Variants in FRMPD2 observed in about 807,000 individuals in gnomAD.
FRMPD2 encodes FERM and PDZ domain-containing protein 2.
Under a neutral mutation model 140.1 loss-of-function variants are expected in FRMPD2, and 96 were observed. That is an observed-to-expected ratio of 0.69 (90% CI 0.58 to 0.81). The LOEUF (loss-of-function observed/expected upper bound fraction) is 0.81, where lower values mean the gene tolerates loss of function less well. Among genes scored for constraint, FRMPD2 ranks in the 40% least tolerant of loss-of-function variants. FRMPD2 has a pLI of 0.00. For missense variants in FRMPD2, 1,240 were observed against 1,447.4 expected, an observed-to-expected ratio of 0.86 and a Z score of 2.32; for synonymous variants, 449 against 547.6, an observed-to-expected ratio of 0.82 and a Z score of 2.52.
At chr10:48,211,243 A>G (rs1564426585) in intron 13 of FRMPD2, among the ~76,000 whole-genome samples, 1 of 152,254 alleles carries the variant, frequency 6.6e-6, no homozygotes, top group Non-Finnish European at 1.5e-5. Context: ...GTGTGTGCCC[A>G]CACGGGGAGA....
At chr10:48,263,721 A>C (rs1840635392) in intron 1 of FRMPD2, among the ~76,000 whole-genome samples, 2 of 152,176 alleles carry the variant, frequency 1.3e-5, no homozygotes. Context: ...CAAACATTTA[A>C]GGAAAAGATG....
chr10:48,228,588 T>C (rs925888278), intron 10 of FRMPD2, among the ~76,000 whole-genome samples: 1 of 151,996 alleles, frequency 6.6e-6, no homozygotes, highest in East Asian at 1.9e-4. Context: ...CTAGGTGTTA[T>C]AAAATAATGT....
At position 48,269,942 on chromosome 10, in the gene FRMPD2, C is replaced by A. The variant is rs528094882; in HGVS notation, c.25+4601G>T. On this transcript the variant is annotated intron_variant, in intron 1 of 28. Transcript: ENST00000374201. Reference sequence around the variant, plus strand: ...CCTGGGCTTTATTTACCACATACCCCTCCTCAGGCCCTGAGTCAGGAAGTT... The same window carrying A: ...CCTGGGCTTTATTTACCACATACCCATCCTCAGGCCCTGAGTCAGGAAGTT... Among the ~76,000 whole-genome samples, 132 of 152,272 alleles carry A rather than the reference C, an allele frequency of 8.7e-4. 1 individual carries two copies. The highest frequency in any genetic ancestry group is 3.0e-3 in the African/African-American group (126 of 41,558).
intron 23 of FRMPD2, chr10:48,175,288 A>G: frequency 3.3e-6 from 2 of 609,662 alleles, no homozygotes; most frequent in Non-Finnish European, 5.2e-6. Context: ...AGATATTTAT[A>G]TCTCCAGCAT....
In FRMPD2 at chr10:48,224,521, C is replaced by T. The variant is rs1588840387; in HGVS notation, c.1169-1251G>A. 3.9e-5 allele frequency among the ~76,000 whole-genome samples: 6 copies of T among 152,338 alleles called. No individual in the cohort carries two copies. In the South Asian group the frequency reaches 1.2e-3, roughly 32 times the overall value. On this transcript the variant is annotated intron_variant, in intron 10 of 28. Coordinates refer to ENST00000374201, the MANE Select transcript of FRMPD2 (RefSeq NM_001018071.4). ...CACACTCAGACCTCCATCCCCTCTG[C>T]CACCTGCCTCTGCCCTTACTGCTGA...
intron 1 of FRMPD2, among the ~76,000 whole-genome samples, chr10:48,266,080 CAGG>C (rs1176449845): frequency 6.6e-6 from 1 of 152,144 alleles, no homozygotes; most frequent in East Asian, 1.9e-4. Context: ...ATGGTTGGAG[CAGG>C]AGACCATTAT....
chr10:48,203,643 C>A (rs1262709636), intron 14 of FRMPD2, among the ~76,000 whole-genome samples: 5 of 151,966 alleles, frequency 3.3e-5, no homozygotes, highest in African/African-American at 1.2e-4. Flanking sequence ...TATTTGTTCA[C>A]CTGCTTGATT....
intron 11 of FRMPD2, among the ~76,000 whole-genome samples, chr10:48,222,687 G>A (rs1488440954): frequency 2.0e-5 from 3 of 152,214 alleles, no homozygotes; most frequent in South Asian, 2.1e-4. Context: ...TTACAGAGGT[G>A]TTTCTTGCTC....
chr10:48,245,542 A>T (rs916218899), intron 3 of FRMPD2, among the ~76,000 whole-genome samples: 3 of 152,194 alleles, frequency 2.0e-5, no homozygotes, highest in Non-Finnish European at 4.4e-5. Flanking sequence ...AATAAAGATC[A>T]AGTCAAAAGT....
intron 12 of FRMPD2, among the ~76,000 whole-genome samples, chr10:48,219,191 G>A (rs1839522053): frequency 6.6e-6 from 1 of 151,926 alleles, no homozygotes; most frequent in Admixed American, 6.6e-5. Flanking sequence ...GAAGATTTCT[G>A]GGGCAGAAGG....
At position 48,244,869 on chromosome 10, in the gene FRMPD2, A is replaced by G. The variant is rs762348775; in HGVS notation, c.310-20T>C. The G allele has an allele frequency of 3.3e-5, 51 of 1,561,798 alleles. No individual in the cohort carries two copies. The highest frequency in any genetic ancestry group is 1.2e-4 in the African/African-American group (9 of 73,894). ...ATGCATCTGCCCAAAAGAAGAGTACATGATTAGATTTCAATCATCTCTGTT... is the reference window on the plus strand; with the variant it reads ...ATGCATCTGCCCAAAAGAAGAGTACGTGATTAGATTTCAATCATCTCTGTT... On this transcript the variant is annotated intron_variant, in intron 3 of 28. Coordinates refer to ENST00000374201, the MANE Select transcript of FRMPD2 (RefSeq NM_001018071.4).
At chr10:48,195,455 A>C (rs1838929378) in intron 15 of FRMPD2, among the ~76,000 whole-genome samples, 3 of 152,328 alleles carry the variant, frequency 2.0e-5, no homozygotes, top group Admixed American at 6.5e-5. Flanking sequence ...AAATAAAGCC[A>C]CAGCGAGAAA....
In FRMPD2 at chr10:48,163,555, C is replaced by T. The variant is rs1838007331; in HGVS notation, c.3654G>A (p.Gly1218=). The change falls in exon 28 of 29, where the codon GGG becomes GGA. Residue 1218 remains glycine (G), a synonymous_variant. Transcript: ENST00000374201. ...ACTCTGGCCTGAGACCCAGGCCTTC[C>T]CCTGCATCTGGGGAGGCACTGTCCC... ...SWRDSASPDA[G]EGLGLRPESS... 1 of 1,192,928 alleles carries T rather than the reference C, an allele frequency of 8.4e-7. No homozygotes were observed. The highest frequency in any genetic ancestry group is 1.2e-6 in the Non-Finnish European group (1 of 802,520). 73.9% of individuals were successfully genotyped at this position (1,192,928 alleles called of 1,614,324 possible). A position where few individuals can be genotyped will look rare whatever the true frequency, so the allele number is the denominator to read the frequency against.
At chr10:48,225,615 T>C (rs898117321) in intron 10 of FRMPD2, among the ~76,000 whole-genome samples, 7 of 152,378 alleles carry the variant, frequency 4.6e-5, no homozygotes, top group African/African-American at 1.7e-4. Context: ...AGAACATGCA[T>C]ATCCCGGATT....
intron 1 of FRMPD2, among the ~76,000 whole-genome samples, chr10:48,255,952 G>A (rs1840480615): frequency 6.6e-6 from 1 of 152,226 alleles, no homozygotes; most frequent in African/African-American, 2.4e-5. Context: ...TCTGCCCGCA[G>A]ACCTCTTAGG....
intron 16 of FRMPD2, among the ~76,000 whole-genome samples, chr10:48,190,762 G>A (rs1434135042): frequency 2.0e-5 from 3 of 152,154 alleles, no homozygotes; most frequent in Admixed American, 6.5e-5. Flanking sequence ...ATTACGGAGG[G>A]CGCCAATTCA....
At chr10:48,269,590 G>A (rs533624685) in intron 1 of FRMPD2, among the ~76,000 whole-genome samples, 3 of 152,306 alleles carry the variant, frequency 2.0e-5, no homozygotes, top group East Asian at 3.9e-4. Context: ...TGGGACTCAG[G>A]CAGGGCCAGG....
chr10:48,249,019 A>T lies in FRMPD2; in HGVS notation c.309+2T>A. 6.2e-7 allele frequency: 1 copy of T among 1,608,044 alleles called. No homozygotes were observed. Among genetic ancestry groups the T allele is most frequent in the Non-Finnish European group, 8.5e-7 (1 of 1,176,750 alleles). On this transcript the variant is annotated splice_donor_variant, in intron 3 of 28. Transcript: ENST00000374201. LOFTEE classifies it high-confidence loss of function. ...AAGTTGCAGAGTAGCTGCACAGCTT[A>T]CCTGAGATGCATCAGGCTGCTCATC...
At chr10:48,200,793 T>C (rs1839067828) in intron 15 of FRMPD2, among the ~76,000 whole-genome samples, 1 of 152,250 alleles carries the variant, frequency 6.6e-6, no homozygotes. Flanking sequence ...TAGATGCTCT[T>C]GGTTTATTTA....
Sources: gnomAD v4.1 joint callset for allele counts (sites outside exome capture counted in the v4.1 genomes callset) on GRCh38, gnomAD v4.1.1 for gene constraint, MANE v1.5 for transcripts, NCBI Gene and HGNC (gene_info 2026-07-23, HGNC 2026-07-21) for gene names.